The following SLCO2B1 variants were observed in gnomAD, a reference collection of about 807,000 sequenced individuals.
SLCO2B1 encodes the protein solute carrier organic anion transporter family member 2B1, also known as OATP-RP2.
In SLCO2B1, 41 loss-of-function variants were observed where a neutral mutation model predicts 67.3. That is an observed-to-expected ratio of 0.61 (90% CI 0.47 to 0.79). SLCO2B1 has a LOEUF of 0.79. Among genes scored for constraint, SLCO2B1 ranks in the 30% least tolerant of loss-of-function variants. SLCO2B1 has a pLI of 0.00. For synonymous variants in SLCO2B1, 379 were observed against 381.4 expected, an observed-to-expected ratio of 0.99 and a Z score of 0.07; for missense variants, 837 against 920.1, an observed-to-expected ratio of 0.91 and a Z score of 1.17.
chr11:75,170,535 C>T (rs1164034527), intron 6 of SLCO2B1, among the ~76,000 whole-genome samples: 1 of 152,186 alleles, frequency 6.6e-6, no homozygotes, highest in Admixed American at 6.5e-5. Context: ...CCAAGCAGCT[C>T]CAGATGTGCC....
rs1156296346 is a variant in SLCO2B1 at position 75,196,433 on chromosome 11, G to A, written c.1434-81G>A. 10 of 1,431,072 alleles carry A rather than the reference G, an allele frequency of 7.0e-6. No homozygotes were observed. In the East Asian group the frequency reaches 1.2e-4, roughly 17 times the overall value. 88.6% of individuals were successfully genotyped at this position (1,431,072 alleles called of 1,614,324 possible). A position where few individuals can be genotyped will look rare whatever the true frequency, so the allele number is the denominator to read the frequency against. ...GCTGAAATCTCTGGCCATTGCTCTC[G>A]GCTACAGGGCCGAGGATGCCCCAGC... On this transcript the variant is annotated intron_variant, in intron 9 of 13. Coordinates refer to ENST00000289575, the MANE Select transcript of SLCO2B1 (RefSeq NM_007256.5).
At chr11:75,159,490 G>A (rs772347910) in intron 1 of SLCO2B1, among the ~76,000 whole-genome samples, 3 of 152,250 alleles carry the variant, frequency 2.0e-5, no homozygotes, top group East Asian at 1.9e-4. Context: ...ACAGCACAGG[G>A]CAGGGTCTCA....
rs1945100691 is a variant in SLCO2B1 at position 75,196,641 on chromosome 11, T to A, written c.1561T>A (p.Ser521Thr). 1 of 1,613,930 alleles carries A rather than the reference T, an allele frequency of 6.2e-7. No individual in the cohort carries two copies. The highest frequency in any genetic ancestry group is 8.5e-7 in the Non-Finnish European group (1 of 1,179,986). The change falls in exon 10 of 14, where the codon TCA becomes ACA. Residue 521 changes from serine to threonine, a missense_variant. Transcript: ENST00000289575. Reference protein sequence around the residue: ...EYITPCHAGCSSWVVQDALDN... With the variant: ...EYITPCHAGCTSWVVQDALDN... ...CATCACACCCTGCCACGCAGGCTGC[T>A]CAAGCTGGGTGGTCCAGGATGCTCT...
intron 10 of SLCO2B1, among the ~76,000 whole-genome samples, chr11:75,197,645 T>G (rs1402451270): frequency 1.3e-5 from 2 of 152,190 alleles, no homozygotes; most frequent in African/African-American, 4.8e-5. Flanking sequence ...TTGATCACGC[T>G]TGAGGCCATA....
At chr11:75,169,807 A>G (rs1416930778) in intron 6 of SLCO2B1, 43 bp downstream of exon 6, 8 of 1,514,602 alleles carry the variant, frequency 5.3e-6, no homozygotes, top group Non-Finnish European at 7.3e-6. Flanking sequence ...TAGCTAACTG[A>G]CTGCCACTCT....
At chr11:75,168,874 G>A (rs987011840) in intron 4 of SLCO2B1, among the ~76,000 whole-genome samples, 5 of 152,110 alleles carry the variant, frequency 3.3e-5, no homozygotes, top group South Asian at 2.1e-4. Context: ...AGGGGCCACC[G>A]TTGCTATGGC....
At chr11:75,164,867 C>T (rs1419318561) in intron 3 of SLCO2B1, among the ~76,000 whole-genome samples, 3 of 152,158 alleles carry the variant, frequency 2.0e-5, no homozygotes, top group African/African-American at 4.8e-5. Flanking sequence ...GCAAGTCACT[C>T]CCCTGTCTCT....
intron 7 of SLCO2B1, among the ~76,000 whole-genome samples, chr11:75,186,035 C>T (rs1352678401): frequency 6.6e-6 from 1 of 152,106 alleles, no homozygotes; most frequent in Non-Finnish European, 1.5e-5. Context: ...GAATGCCTGA[C>T]TTTCTGGGAA....
Position 75,204,833 on chromosome 11 carries a change from G to A in SLCO2B1, c.*253G>A, listed in dbSNP as rs187189328. The A allele has an allele frequency of 3.1e-6, 1 of 318,808 alleles. No individual in the cohort carries two copies. The highest frequency in any genetic ancestry group is 5.7e-6 in the Non-Finnish European group (1 of 174,818). The allele number at this position is 318,808 out of a possible 1,614,324, so 19.7% of individuals were successfully genotyped here. A position where few individuals can be genotyped will look rare whatever the true frequency, so the allele number is the denominator to read the frequency against. On this transcript the variant is annotated 3_prime_UTR_variant, in exon 14 of 14. Transcript: ENST00000289575. ...GTCTTCTTCCTCCTTCCCCCAGCCA[G>A]CCAGCTGTCCTGGGGCCAGGCTTTC... is the stretch of plus-strand genomic sequence containing the variant.
intron 1 of SLCO2B1, among the ~76,000 whole-genome samples, chr11:75,156,839 T>C (rs142134784): frequency 2.0e-5 from 3 of 152,364 alleles, no homozygotes; most frequent in Admixed American, 2.0e-4. Flanking sequence ...CTTCCTGACA[T>C]TGCCATGGCA....
At chr11:75,168,279 C>T (rs1461039200) in intron 4 of SLCO2B1, among the ~76,000 whole-genome samples, 1 of 152,140 alleles carries the variant, frequency 6.6e-6, no homozygotes, top group Admixed American at 6.5e-5. Context: ...ACAGCAAGTC[C>T]CAGGCAGCCT....
chr11:75,195,135 C>T (rs1430140491), intron 9 of SLCO2B1, among the ~76,000 whole-genome samples: 1 of 152,192 alleles, frequency 6.6e-6, no homozygotes, highest in African/African-American at 2.4e-5. Context: ...GTGAAGTCAC[C>T]CCACAGCTGG....
At chr11:75,174,213 T>C (rs1211056081) in intron 7 of SLCO2B1, among the ~76,000 whole-genome samples, 1 of 152,226 alleles carries the variant, frequency 6.6e-6, no homozygotes, top group African/African-American at 2.4e-5. Flanking sequence ...TTCTCAAGTA[T>C]GGGAGGTGGC....
intron 7 of SLCO2B1, among the ~76,000 whole-genome samples, chr11:75,182,696 T>C (rs1042984701): frequency 1.3e-5 from 2 of 151,904 alleles, no homozygotes; most frequent in Admixed American, 6.6e-5. Flanking sequence ...GAGCTGAGAT[T>C]GCACCACTGC....
intron 7 of SLCO2B1, among the ~76,000 whole-genome samples, chr11:75,173,929 A>G (rs1054983555): frequency 1.3e-5 from 2 of 152,082 alleles, no homozygotes; most frequent in African/African-American, 4.8e-5. Flanking sequence ...CAGCCTCCCA[A>G]ATAGCTGGGA....
intron 7 of SLCO2B1, among the ~76,000 whole-genome samples, chr11:75,175,192 A>T (rs1485480684): frequency 6.6e-6 from 1 of 152,104 alleles, no homozygotes; most frequent in Non-Finnish European, 1.5e-5. Flanking sequence ...GAACATGATG[A>T]TCTGCTTCCA....
chr11:75,183,678 C>A (rs553802772), intron 7 of SLCO2B1, among the ~76,000 whole-genome samples: 15 of 152,264 alleles, frequency 9.9e-5, no homozygotes, highest in African/African-American at 3.4e-4. Flanking sequence ...GTGCATGTCA[C>A]CATGCCCAGC....
chr11:75,151,644 G>A lies in SLCO2B1; in HGVS notation c.16+247G>A. The A allele has an allele frequency of 2.1e-5, 12 of 565,226 alleles. No homozygotes were observed. The South Asian group carries it at 2.8e-4, about 13-fold the overall frequency. 35.0% of individuals were successfully genotyped at this position (565,226 alleles called of 1,614,324 possible). A position where few individuals can be genotyped will look rare whatever the true frequency, so the allele number is the denominator to read the frequency against. ...GAACCCAGCCAAACCTCGTTGATGA[G>A]ACCGAGACTTAGAGGACAACAGAAA... On this transcript the variant is annotated intron_variant, in intron 1 of 13. Transcript: ENST00000289575.
At chr11:75,172,261 A>G in intron 6 of SLCO2B1, 118 bp from the exon 7 acceptor site, 2 of 857,686 alleles carry the variant, frequency 2.3e-6, no homozygotes, top group Non-Finnish European at 3.6e-6. Context: ...ACTGGAACTC[A>G]GGTCTCCTGA....
Sources: allele counts gnomAD v4.1 joint callset (sites outside exome capture counted in the v4.1 genomes callset), GRCh38; gene constraint gnomAD v4.1.1; transcripts MANE v1.5; gene names NCBI Gene and HGNC (gene_info 2026-07-23, HGNC 2026-07-21).